Variants in RNF40 observed in about 807,000 individuals in gnomAD.
RNF40 encodes ring finger protein 40, also known as E3 ubiquitin-protein ligase BRE1B.
RNF40 carries 39 observed loss-of-function variants against 123.3 expected under a neutral mutation model. The ratio of observed to expected loss-of-function variants is 0.32; its 90% CI spans 0.24 to 0.41. The LOEUF (loss-of-function observed/expected upper bound fraction) is 0.41. Ranked by LOEUF, RNF40 falls within the 10% of genes least tolerant of loss-of-function variation. The pLI, the probability that RNF40 is intolerant of heterozygous loss-of-function variation, is 1.00. For missense variants in RNF40, 1,003 were observed against 1,319.9 expected, an observed-to-expected ratio of 0.76 and a Z score of 3.72; for synonymous variants, 538 against 526.0, an observed-to-expected ratio of 1.02 and a Z score of -0.31.
Position 30,764,666 on chromosome 16 carries a change from C to T in RNF40, c.650-272C>T, listed in dbSNP as rs142691920. Among the ~76,000 whole-genome samples, 9 of 152,270 alleles carry T rather than the reference C, an allele frequency of 5.9e-5. 1 individual carries two copies. The East Asian group carries it at 1.7e-3, about 29-fold the overall frequency. ...GCACTTGGTGTGGGTTGCGGATCCA[C>T]AAGGCATAGCTTCAAGGGCTCAGGC... On this transcript the variant is annotated intron_variant, in intron 5 of 19. Transcript: ENST00000324685.
chr16:30,771,957 A>G lies in RNF40; in HGVS notation c.2711A>G (p.Asn904Ser), dbSNP rs1361384833. The change falls in exon 18 of 20, where the codon AAC (asparagine) becomes AGC (serine). Residue 904 changes from asparagine to serine, a missense_variant. By Grantham distance (46) the Asn-to-Ser change is conservative. This residue lies in a region of RNF40 where 121 missense variants were observed against 125.3 expected (regional missense o/e 0.97). Transcript: ENST00000324685. ...SRAAREKESFNLKRAQEDISR... is the reference protein window; with the variant it reads ...SRAAREKESFSLKRAQEDISR... ...GCTGCTCGTGAGAAAGAGAGCTTCAACCTCAAGAGGGCTCAGGTGTGTGCA... is the reference window on the plus strand; with the variant it reads ...GCTGCTCGTGAGAAAGAGAGCTTCAGCCTCAAGAGGGCTCAGGTGTGTGCA... 8 of 1,597,004 alleles carry G rather than the reference A, an allele frequency of 5.0e-6. No homozygotes were observed. Among genetic ancestry groups the G allele is most frequent in the Non-Finnish European group, 6.8e-6 (8 of 1,169,426 alleles).
At chr16:30,761,740 G>C, upstream of RNF40, 1 of 1,522,946 alleles carries the variant, frequency 6.6e-7, no homozygotes, top group East Asian at 2.5e-5. Flanking sequence ...TGGTCTTGCG[G>C]TTGAGCATCT....
chr16:30,765,796 A>T (rs977224879), intron 8 of RNF40, among the ~76,000 whole-genome samples: 12 of 152,270 alleles, frequency 7.9e-5, no homozygotes, highest in Non-Finnish European at 4.4e-5. Flanking sequence ...AATCAGTAAA[A>T]TAGCATATCA....
chr16:30,763,016 A>C (rs1301689872), intron 2 of RNF40, 102 bp from the exon 3 acceptor site: 10 of 1,285,932 alleles, frequency 7.8e-6, no homozygotes. Context: ...GAATACCTCC[A>C]TCTCCCATGC....
intron 17 of RNF40, among the ~76,000 whole-genome samples, chr16:30,769,817 T>G (rs1335234895): frequency 6.6e-6 from 1 of 152,186 alleles, no homozygotes; most frequent in Non-Finnish European, 1.5e-5. Flanking sequence ...AGATGGTGTT[T>G]ACGGGCGTGG....
At chr16:30,773,337 A>G (rs2054179956) in intron 19 of RNF40, among the ~76,000 whole-genome samples, 3 of 152,020 alleles carry the variant, frequency 2.0e-5, no homozygotes, top group Admixed American at 6.6e-5. Context: ...GATGGCAGGG[A>G]GGCTGCTGAG....
chr16:30,764,097 T>C lies in RNF40; in HGVS notation c.443-82T>C, dbSNP rs2053976001. ...TGTTGATTAAGTGAACCATGAGTATTGAAGGGCTCAGTCTGGAACTTGGTA... is the reference window on the plus strand; with the variant it reads ...TGTTGATTAAGTGAACCATGAGTATCGAAGGGCTCAGTCTGGAACTTGGTA... On this transcript the variant is annotated intron_variant, in intron 4 of 19. Transcript: ENST00000324685. The C allele has an allele frequency of 6.2e-6, 7 of 1,130,018 alleles. No homozygotes were observed. The Admixed American group carries it at 1.4e-4, about 22-fold the overall frequency. The allele number at this position is 1,130,018 out of a possible 1,614,324, so 70.0% of individuals were successfully genotyped here.
At chr16:30,773,894 C>A in intron 19 of RNF40, 44 bp from the exon 20 acceptor site, 1 of 1,576,112 alleles carries the variant, frequency 6.3e-7, no homozygotes, top group Non-Finnish European at 8.7e-7. Flanking sequence ...GGGGTCTGGG[C>A]ACTGTCAGAG....
At position 30,774,365 on chromosome 16, in the gene RNF40, A is replaced by G; in HGVS notation, c.*251A>G. On this transcript the variant is annotated 3_prime_UTR_variant, in exon 20 of 20. Transcript: ENST00000324685. Reference sequence around the variant, plus strand: ...GCCCTACAGAAAAGGTCTGCCTGAGAGGCCTGAGGAGCCCAGAGCACTTGA... The same window carrying G: ...GCCCTACAGAAAAGGTCTGCCTGAGGGGCCTGAGGAGCCCAGAGCACTTGA... 2.2e-6 allele frequency: 1 copy of G among 460,644 alleles called. No individual in the cohort carries two copies. Among genetic ancestry groups the G allele is most frequent in the East Asian group, 3.4e-5 (1 of 29,170 alleles). 28.5% of individuals were successfully genotyped at this position (460,644 alleles called of 1,614,324 possible). A position where few individuals can be genotyped will look rare whatever the true frequency, so the allele number is the denominator to read the frequency against.
chr16:30,770,119 A>ATGGATTTTTTTTTTTCTTTTTT (rs144255833), intron 17 of RNF40, among the ~76,000 whole-genome samples: 2 of 98,850 alleles, frequency 2.0e-5, no homozygotes, highest in Non-Finnish European at 3.9e-5. Context: ...AAAACAAAAG[A>ATGGATTTTTTTTTTTCTTTTTT]TTTTTGAGTT....
intron 18 of RNF40, 54 bp downstream of exon 18, chr16:30,772,027 C>A (rs1168922213): frequency 1.3e-5 from 20 of 1,588,166 alleles, no homozygotes; most frequent in Non-Finnish European, 1.6e-5. Flanking sequence ...ACGGACCTAT[C>A]CTGGGGGCAA....
intron 17 of RNF40, among the ~76,000 whole-genome samples, chr16:30,770,947 T>G (rs1183425340): frequency 1.3e-5 from 2 of 152,162 alleles, no homozygotes; most frequent in East Asian, 3.9e-4. Flanking sequence ...CCTGACATCG[T>G]GATTTGCCCG....
In RNF40 at chr16:30,765,012, G is replaced by A. The variant is rs1277682884; in HGVS notation, c.724G>A (p.Asp242Asn). Residue 242 changes from aspartate to asparagine, a missense_variant, in exon 6 of 20, where the codon GAC becomes AAC. Around this residue, in one of 11 missense-constraint regions of RNF40, gnomAD observed 274 missense variants for 356.9 expected, o/e 0.77. Coordinates refer to ENST00000324685, the MANE Select transcript of RNF40 (RefSeq NM_014771.4). Reference protein sequence around the residue: ...ELGRENRRLQDLATQLQEKHH... With the variant: ...ELGRENRRLQNLATQLQEKHH... Reference sequence around the variant, plus strand: ...GGGCCGTGAGAACCGGCGACTGCAGGACTTGGCCACTCAGCTGCAGGAGAA... The same window carrying A: ...GGGCCGTGAGAACCGGCGACTGCAGAACTTGGCCACTCAGCTGCAGGAGAA... The A allele has an allele frequency of 6.2e-7, 1 of 1,614,022 alleles. No individual in the cohort carries two copies. The highest frequency in any genetic ancestry group is 1.1e-5 in the South Asian group (1 of 91,076).
chr16:30,763,071 T>G lies in RNF40; in HGVS notation c.133-47T>G, dbSNP rs1351817041. The G allele has an allele frequency of 3.1e-6, 5 of 1,606,654 alleles. No individual in the cohort carries two copies. The African/African-American group carries it at 6.7e-5, about 22-fold the overall frequency. On this transcript the variant is annotated intron_variant, in intron 2 of 19. Transcript: ENST00000324685. ...TCTTTCTCTCTCTGTGATTGGTTTG[T>G]GGGCCCTGCTTGACGCTCTCGTCGG...
At chr16:30,767,660 A>G (rs915861999) in intron 11 of RNF40, 6 of 465,392 alleles carry the variant, frequency 1.3e-5, no homozygotes, top group African/African-American at 1.2e-4. Flanking sequence ...AAAACAAAAA[A>G]CCCCACATAT....
chr16:30,771,846 C>T lies in RNF40; in HGVS notation c.2600C>T (p.Ala867Val), dbSNP rs2151334451. The T allele has an allele frequency of 6.3e-7, 1 of 1,586,626 alleles. No individual in the cohort carries two copies. The highest frequency in any genetic ancestry group is 1.1e-5 in the South Asian group (1 of 87,090). Residue 867 changes from alanine to valine, a missense_variant, in exon 18 of 20, where the codon GCC (alanine) becomes GTC (valine). Ala to Val is a moderately conservative substitution (Grantham distance 64). Coordinates refer to ENST00000324685, the MANE Select transcript of RNF40 (RefSeq NM_014771.4). ...CACCCTACTCAGGCTGTAGAAGCCG[C>T]CCAGCTGGCCGAGGACCTGAAGGTG... ...ELNKRKAVEA[A>V]QLAEDLKVQL...
In RNF40 at chr16:30,768,962, A is replaced by G; in HGVS notation, c.2222A>G (p.Gln741Arg). 6.2e-7 allele frequency: 1 copy of G among 1,614,032 alleles called. No individual in the cohort carries two copies. Among genetic ancestry groups the G allele is most frequent in the South Asian group, 1.1e-5 (1 of 91,086 alleles). The stretch of plus-strand genomic sequence containing the variant: ...GCAGAGGAGCAGATAGAACACCTGC[A>G]GCGCAAGCTGGGTGCCACCAAGCAG... Reference protein sequence around the residue: ...RQAEEQIEHLQRKLGATKQEE... With the variant: ...RQAEEQIEHLRRKLGATKQEE... Residue 741 changes from glutamine (Q) to arginine (R), a missense_variant, in exon 15 of 20, where the codon CAG becomes CGG. Transcript: ENST00000324685. This position sits in a 1 kb window ranked among gnomAD's most constrained non-coding sequence, Gnocchi z 4.1.
chr16:30,765,341 G>A lies in RNF40; in HGVS notation c.918+14G>A, dbSNP rs1365396440. On this transcript the variant is annotated intron_variant, in intron 7 of 19. Coordinates refer to ENST00000324685, the MANE Select transcript of RNF40 (RefSeq NM_014771.4). ...GCCTTAGAGCAGGTGGGGCAGGGGT[G>A]CTGGGGCAGGTGAGGCAAGGCTGGG... 1 of 1,614,182 alleles carries A rather than the reference G, an allele frequency of 6.2e-7. No homozygotes were observed.
chr16:30,771,571 C>G (rs559710688), intron 17 of RNF40, among the ~76,000 whole-genome samples: 6 of 152,010 alleles, frequency 3.9e-5, no homozygotes, highest in Admixed American at 3.3e-4. Context: ...GAGCTGAGAT[C>G]GTGTCACTGG....
Sources: gnomAD v4.1 joint callset for allele counts (sites outside exome capture counted in the v4.1 genomes callset) on GRCh38, gnomAD v4.1.1 for gene constraint, gnomAD v4.1.1 regional missense constraint, Gnocchi (gnomAD v3.1) non-coding constraint, MANE v1.5 for transcripts, NCBI Gene and HGNC (gene_info 2026-07-23, HGNC 2026-07-21) for gene names.